Variants in KAZN observed in about 807,000 individuals in gnomAD.
The protein encoded by KAZN is kazrin, periplakin interacting protein, also known as kazrin.
A neutral mutation model predicts 87.4 loss-of-function variants in KAZN; 40 were observed. The ratio of observed to expected loss-of-function variants is 0.46; its 90% CI spans 0.36 to 0.60. The LOEUF (loss-of-function observed/expected upper bound fraction) is 0.60, where lower values mean the gene tolerates loss of function less well. KAZN is among the 20% of genes least tolerant of loss of function. The pLI is 0.00. For missense variants in KAZN, 898 were observed against 1,073.9 expected (o/e 0.84, Z 2.29); for synonymous variants, 466 against 458.3 (o/e 1.02, Z -0.22).
chr1:14,379,988 T>C (rs1661238781), intron 2 of KAZN, among the ~76,000 whole-genome samples: 1 of 152,178 alleles, frequency 6.6e-6, no homozygotes. Flanking sequence ...CAGAGGTGTT[T>C]ATATCACCCC....
chr1:14,111,813 A>C (rs139570535), intron 1 of KAZN, among the ~76,000 whole-genome samples: 39,480 of 142,552 alleles, frequency 0.28, 5,943 homozygotes, highest in East Asian at 0.54. Context: ...GATCTTGGCT[A>C]ACTGCAACCT....
At chr1:14,308,018 C>A (rs1355292612) in intron 2 of KAZN, among the ~76,000 whole-genome samples, 1 of 152,148 alleles carries the variant, frequency 6.6e-6, no homozygotes, top group Non-Finnish European at 1.5e-5. Flanking sequence ...TGAACACAAT[C>A]ATGAGAAAAC....
At chr1:14,839,869 A>G (rs562665860) in intron 1 of KAZN, among the ~76,000 whole-genome samples, 1 of 152,276 alleles carries the variant, frequency 6.6e-6, no homozygotes, top group East Asian at 1.9e-4. Flanking sequence ...CAGAGCAGGC[A>G]ATAAAGGGAA....
At chr1:13,899,469 T>G (rs978342551) in intron 1 of KAZN, among the ~76,000 whole-genome samples, 16 of 152,182 alleles carry the variant, frequency 1.1e-4, no homozygotes, top group African/African-American at 3.6e-4. Context: ...CCAGAAATGT[T>G]GCTGAACATC....
chr1:14,308,886 G>T (rs1394022578), intron 2 of KAZN, among the ~76,000 whole-genome samples: 2 of 152,182 alleles, frequency 1.3e-5, no homozygotes, highest in Non-Finnish European at 2.9e-5. Context: ...CCAGGGTGCA[G>T]CTCTAAAGAC....
chr1:14,279,323 C>T (rs1652657944), intron 2 of KAZN, among the ~76,000 whole-genome samples: 1 of 152,146 alleles, frequency 6.6e-6, no homozygotes, highest in Non-Finnish European at 1.5e-5. Context: ...ATGTTTCCTT[C>T]ACAGGAAAAT....
At position 14,863,871 on chromosome 1, in the gene KAZN, A is replaced by G. The variant is rs147705863; in HGVS notation, c.227-96813A>G. On this transcript the variant is annotated intron_variant, in intron 1 of 14. Coordinates refer to ENST00000376030, the MANE Select transcript of KAZN (RefSeq NM_201628.3). ...TGAGCAGGCCAAGGCACAGAGATCCAGAGTGCATGCAGTGTGTTCGGGAGG... is the reference window on the plus strand; with the variant it reads ...TGAGCAGGCCAAGGCACAGAGATCCGGAGTGCATGCAGTGTGTTCGGGAGG... Among the ~76,000 whole-genome samples, 351 of 152,318 alleles carry G rather than the reference A, an allele frequency of 2.3e-3. 1 individual carries two copies. Among genetic ancestry groups the G allele is most frequent in the Non-Finnish European group, 3.8e-3 (259 of 68,028 alleles).
intron 1 of KAZN, among the ~76,000 whole-genome samples, chr1:14,939,586 A>C (rs980867748): frequency 6.6e-6 from 1 of 152,160 alleles, no homozygotes. Context: ...GATGTTTATT[A>C]AGCATGAGGT....
intron 1 of KAZN, among the ~76,000 whole-genome samples, chr1:13,925,234 A>G (rs1375293040): frequency 6.6e-6 from 1 of 152,208 alleles, no homozygotes; most frequent in Admixed American, 6.5e-5. Flanking sequence ...GAGTAATTTC[A>G]GATACAATCC....
chr1:14,455,139 G>A (rs1336807770), intron 2 of KAZN, among the ~76,000 whole-genome samples: 3 of 152,334 alleles, frequency 2.0e-5, no homozygotes, highest in South Asian at 2.1e-4. Flanking sequence ...AAATGACATC[G>A]CAATGTGGGA....
chr1:13,942,542 GTC>G (rs1210662595), intron 1 of KAZN, among the ~76,000 whole-genome samples: 1 of 65,872 alleles, frequency 1.5e-5, no homozygotes. Flanking sequence ...GCGAGACTCC[GTC>G]TCAAAAAAAA....
intron 13 of KAZN, among the ~76,000 whole-genome samples, chr1:15,111,274 G>T (rs199799413): frequency 6.6e-6 from 1 of 150,414 alleles, no homozygotes; most frequent in Admixed American, 6.6e-5. Context: ...GTTGTTGTTT[G>T]TTGTTGTTGT....
intron 1 of KAZN, among the ~76,000 whole-genome samples, chr1:14,696,085 T>G (rs1641588400): frequency 6.6e-6 from 1 of 152,208 alleles, no homozygotes; most frequent in Non-Finnish European, 1.5e-5. Context: ...TGCTTGCTCC[T>G]GCCATGTGAA....
intron 1 of KAZN, among the ~76,000 whole-genome samples, chr1:14,622,210 A>G (rs1678751449): frequency 6.6e-6 from 1 of 152,162 alleles, no homozygotes; most frequent in Non-Finnish European, 1.5e-5. Flanking sequence ...GACCGATCCA[A>G]AGTCCCTGAA....
intron 1 of KAZN, among the ~76,000 whole-genome samples, chr1:14,858,196 C>CTTTTTTT (rs1241331793): frequency 8.7e-6 from 1 of 115,262 alleles, no homozygotes; most frequent in Non-Finnish European, 1.8e-5. Context: ...TTCTTTTTTT[C>CTTTTTTT]TTTTTTCTTT....
chr1:14,813,169 G>C (rs1017974649), intron 1 of KAZN, among the ~76,000 whole-genome samples: 1 of 152,134 alleles, frequency 6.6e-6, no homozygotes, highest in African/African-American at 2.4e-5. Flanking sequence ...CCATTCATGG[G>C]TATGGTGGAT....
At chr1:14,274,891 C>A (rs1489194237) in intron 2 of KAZN, among the ~76,000 whole-genome samples, 1 of 150,970 alleles carries the variant, frequency 6.6e-6, no homozygotes, top group Non-Finnish European at 1.5e-5. Flanking sequence ...TTCAGCGTGA[C>A]CCAGTTGTCC....
rs751778438 is a variant in KAZN at position 15,044,084 on chromosome 1, C to T, written c.651C>T (p.Asp217=). 6.2e-7 allele frequency: 1 copy of T among 1,612,906 alleles called. No individual in the cohort carries two copies. Among genetic ancestry groups the T allele is most frequent in the African/African-American group, 1.3e-5 (1 of 75,048 alleles). ...GGCGCCAAGCCAAGGAGGCCACAGA[C>T]CACGCCACGGCACTGCGCTCCCAGC... ...ELRRQAKEAT[D]HATALRSQLD... The change falls in exon 4 of 15, where the codon GAC becomes GAT. Residue 217 remains aspartate, a synonymous_variant. Transcript: ENST00000376030.
At chr1:14,576,966 A>G (rs1675229685) in intron 2 of KAZN, among the ~76,000 whole-genome samples, 1 of 152,212 alleles carries the variant, frequency 6.6e-6, no homozygotes, top group Admixed American at 6.5e-5. Context: ...AATTAAATGC[A>G]TTTTGACTAA....
Sources: allele counts gnomAD v4.1 joint callset (sites outside exome capture counted in the v4.1 genomes callset), GRCh38; gene constraint gnomAD v4.1.1; transcripts MANE v1.5; gene names NCBI Gene and HGNC (gene_info 2026-07-23, HGNC 2026-07-21).